The following SLC2A9 variants were observed in gnomAD, a reference collection of about 807,000 sequenced individuals.
SLC2A9 encodes solute carrier family 2 member 9, also known as solute carrier family 2, facilitated glucose transporter member 9.
SLC2A9 carries 39 observed loss-of-function variants against 50.6 expected under a neutral mutation model. The observed-to-expected ratio is 0.77, with a 90% CI of 0.60 to 1.01. The LOEUF (loss-of-function observed/expected upper bound fraction) is 1.01. SLC2A9 is among the 50% of genes least tolerant of loss of function. SLC2A9 has a pLI of 0.00. For synonymous variants in SLC2A9, 324 were observed against 276.9 expected (o/e 1.17, Z -1.69); for missense variants, 686 against 677.6 (o/e 1.01, Z -0.14).
intron 5 of SLC2A9, among the ~76,000 whole-genome samples, chr4:9,963,659 T>C (rs1329254081): frequency 6.6e-6 from 1 of 151,902 alleles, no homozygotes; most frequent in Non-Finnish European, 1.5e-5. Flanking sequence ...GCTCGCTGGG[T>C]TTTGCAGGAT....
chr4:10,026,847 C>G (rs953134050), intron 1 of SLC2A9, among the ~76,000 whole-genome samples: 3 of 152,118 alleles, frequency 2.0e-5, no homozygotes, highest in Admixed American at 2.0e-4. Context: ...AGTTCAAGAC[C>G]AGCCTGGCCA....
chr4:9,966,091 A>G (rs1753006623), intron 5 of SLC2A9, among the ~76,000 whole-genome samples: 2 of 152,328 alleles, frequency 1.3e-5, no homozygotes, highest in African/African-American at 4.8e-5. Context: ...ATTTTTGCCT[A>G]TCAAATACCA....
At chr4:9,946,049 A>G (rs544339713) in intron 5 of SLC2A9, among the ~76,000 whole-genome samples, 6 of 152,242 alleles carry the variant, frequency 3.9e-5, no homozygotes, top group South Asian at 2.1e-4. Flanking sequence ...CCAAACGACA[A>G]CCTCAAAGAT....
At chr4:9,971,455 C>G (rs764298874) in intron 5 of SLC2A9, among the ~76,000 whole-genome samples, 8 of 152,138 alleles carry the variant, frequency 5.3e-5, no homozygotes, top group Non-Finnish European at 1.2e-4. Context: ...TAGACAAAAA[C>G]TTAAACTTAA....
At chr4:9,982,743 T>TA (rs1756088385) in intron 4 of SLC2A9, among the ~76,000 whole-genome samples, 1 of 152,236 alleles carries the variant, frequency 6.6e-6, no homozygotes, top group African/African-American at 2.4e-5. Context: ...ATCTGTACTT[T>TA]ATTAATTAAG....
At chr4:9,967,159 G>C (rs1418644277) in intron 5 of SLC2A9, among the ~76,000 whole-genome samples, 1 of 152,128 alleles carries the variant, frequency 6.6e-6, no homozygotes, top group African/African-American at 2.4e-5. Flanking sequence ...ATACAATTGA[G>C]ATTGTTTTTT....
intron 6 of SLC2A9, among the ~76,000 whole-genome samples, chr4:9,930,731 G>C (rs994504128): frequency 5.9e-5 from 9 of 152,242 alleles, no homozygotes; most frequent in Admixed American, 3.3e-4. Flanking sequence ...GTCAGAACAA[G>C]GGCTCCAGGC....
At chr4:9,864,999 G>C (rs1732222796) in intron 10 of SLC2A9, among the ~76,000 whole-genome samples, 1 of 152,216 alleles carries the variant, frequency 6.6e-6, no homozygotes, top group African/African-American at 2.4e-5. Context: ...ATGAACACTT[G>C]AGTACCCCAC....
intron 8 of SLC2A9, among the ~76,000 whole-genome samples, chr4:9,890,914 T>A (rs1247675296): frequency 6.6e-6 from 1 of 152,188 alleles, no homozygotes; most frequent in Non-Finnish European, 1.5e-5. Context: ...AAAGTCACAA[T>A]TCTTGAGCAC....
intron 10 of SLC2A9, among the ~76,000 whole-genome samples, chr4:9,845,623 G>T (rs1406456312): frequency 2.0e-5 from 3 of 149,878 alleles, no homozygotes; most frequent in Non-Finnish European, 4.4e-5. Context: ...GTAGAGACGG[G>T]GTTTCACCGT....
At chr4:9,988,730 A>T (rs1054287670) in intron 3 of SLC2A9, among the ~76,000 whole-genome samples, 3 of 152,168 alleles carry the variant, frequency 2.0e-5, no homozygotes, top group African/African-American at 7.2e-5. Context: ...GAAACCCAGA[A>T]AGTCATCAGC....
chr4:9,803,391 A>G (rs949290371), intron 3 of SLC2A9, among the ~76,000 whole-genome samples: 8 of 152,374 alleles, frequency 5.3e-5, no homozygotes, highest in African/African-American at 1.9e-4. Flanking sequence ...AACTGTGCTA[A>G]ATGAATTATT....
At chr4:9,797,845 C>T (rs1254574082), downstream of SLC2A9, among the ~76,000 whole-genome samples, 1 of 152,122 alleles carries the variant, frequency 6.6e-6, no homozygotes, top group Non-Finnish European at 1.5e-5. Flanking sequence ...GGCTAGAGTG[C>T]AGTGGTGCAC....
intron 10 of SLC2A9, among the ~76,000 whole-genome samples, chr4:9,836,248 A>G (rs1727086511): frequency 6.6e-6 from 1 of 152,090 alleles, no homozygotes; most frequent in Non-Finnish European, 1.5e-5. Context: ...ATCACCACCA[A>G]AAAACTTATT....
chr4:9,877,991 AG>A (rs1734568218), intron 10 of SLC2A9, among the ~76,000 whole-genome samples: 1 of 152,092 alleles, frequency 6.6e-6, no homozygotes. Flanking sequence ...TGAGAGTGCC[AG>A]CCCCCTTCCT....
At position 9,954,976 on chromosome 4, in the gene SLC2A9, C is replaced by T. The variant is rs574688838; in HGVS notation, c.682-12931G>A. ...GGGCGAGTGGGCTCAAGCATATGCA[C>T]GAAGAGGCAAAATGGCAGAGTTTAC... On this transcript the variant is annotated intron_variant, in intron 5 of 11. Coordinates refer to ENST00000264784, the MANE Select transcript of SLC2A9 (RefSeq NM_020041.3). 3.9e-5 allele frequency among the ~76,000 whole-genome samples: 6 copies of T among 152,194 alleles called. No individual in the cohort carries two copies. The East Asian group carries it at 5.8e-4, about 15-fold the overall frequency.
At chr4:9,932,733 T>C (rs1178350357) in intron 6 of SLC2A9, among the ~76,000 whole-genome samples, 1 of 152,232 alleles carries the variant, frequency 6.6e-6, no homozygotes, top group African/African-American at 2.4e-5. Context: ...ATTTGCCCTA[T>C]TGGGACTCAG....
chr4:10,024,504 G>T (rs1400482281), upstream of SLC2A9, among the ~76,000 whole-genome samples: 1 of 152,190 alleles, frequency 6.6e-6, no homozygotes, highest in African/African-American at 2.4e-5. Context: ...AGCCACTTCT[G>T]CCAAGAAGGG....
chr4:9,935,556 C>T (rs1053377885), intron 6 of SLC2A9, among the ~76,000 whole-genome samples: 1 of 152,202 alleles, frequency 6.6e-6, no homozygotes, highest in Non-Finnish European at 1.5e-5. Flanking sequence ...TAGAGAAACA[C>T]AGCCCAGAGA....
Sources: allele counts gnomAD v4.1 joint callset (sites outside exome capture counted in the v4.1 genomes callset), GRCh38; gene constraint gnomAD v4.1.1; transcripts MANE v1.5; gene names NCBI Gene and HGNC (gene_info 2026-07-23, HGNC 2026-07-21).